PYY: variants seen among roughly 807,000 people sequenced by gnomAD.
PYY encodes peptide YY.
PYY carries 12 observed loss-of-function variants against 10.3 expected under a neutral mutation model. That is an observed-to-expected ratio of 1.17 (90% CI 0.75 to 1.89). The LOEUF (loss-of-function observed/expected upper bound fraction) is 1.89. Ranked by LOEUF, PYY falls within the 40% of genes most tolerant of loss-of-function variation. PYY has a pLI of 0.00. For synonymous variants in PYY, 66 were observed against 62.0 expected, an observed-to-expected ratio of 1.06 and a Z score of -0.30; for missense variants, 141 against 134.0, an observed-to-expected ratio of 1.05 and a Z score of -0.26.
intron 1 of PYY, among the ~76,000 whole-genome samples, chr17:43,973,344 CGTT>C (rs1226308668): frequency 6.6e-6 from 1 of 151,990 alleles, no homozygotes; most frequent in East Asian, 1.9e-4. Context: ...CATCCTAGGT[CGTT>C]GTGGAGGAAA....
rs1377239796 is a variant in PYY at position 43,953,110 on chromosome 17, G to A, written c.268C>T (p.Arg90Trp). The change falls in exon 3 of 4, where the codon CGG (arginine) becomes TGG (tryptophan). Residue 90 changes from arginine (R) to tryptophan (W), a missense_variant and splice_region_variant. By Grantham distance (101) the Arg-to-Trp change is moderately radical (BLOSUM62 -3). Coordinates refer to ENST00000692052, the MANE Select transcript of PYY (RefSeq NM_001394028.1). ...PDGEDRPVRS[R>W]SEGPDLW ...ATGTGTGGTAACGGGCGCTTTTACC[G>A]CGACCTGACGGGGCGGTCCTCGCCG... 1.9e-6 allele frequency: 3 copies of A among 1,613,792 alleles called. No individual in the cohort carries two copies. The highest frequency in any genetic ancestry group is 2.2e-5 in the East Asian group (1 of 44,880).
intron 2 of PYY, among the ~76,000 whole-genome samples, chr17:43,966,052 T>G (rs969387249): frequency 6.6e-6 from 1 of 152,130 alleles, no homozygotes; most frequent in Non-Finnish European, 1.5e-5. Flanking sequence ...CCTATCCACA[T>G]AGTCCACTGT....
intron 1 of PYY, among the ~76,000 whole-genome samples, chr17:43,979,234 C>G (rs1008345990): frequency 6.6e-6 from 1 of 152,236 alleles, no homozygotes; most frequent in African/African-American, 2.4e-5. Flanking sequence ...GGCCCCATCC[C>G]GAACCTACTG....
At chr17:43,974,978 C>T (rs749399406) in intron 1 of PYY, among the ~76,000 whole-genome samples, 2 of 152,126 alleles carry the variant, frequency 1.3e-5, no homozygotes, top group South Asian at 2.1e-4. Flanking sequence ...CGCCATCTCC[C>T]GCTTTCAGTC....
chr17:43,978,293 AGAAGGAT>A, intron 1 of PYY, among the ~76,000 whole-genome samples: 1 of 147,330 alleles, frequency 6.8e-6, no homozygotes, highest in Non-Finnish European at 1.5e-5. Context: ...GAAGGAAGGA[AGAAGGAT>A]GGAAGGAAGG....
chr17:43,967,633 G>T (rs1027858232), intron 1 of PYY, among the ~76,000 whole-genome samples: 4 of 152,148 alleles, frequency 2.6e-5, no homozygotes, highest in African/African-American at 4.8e-5. Flanking sequence ...GGTTTAAAAA[G>T]CTATTAGGTT....
At position 43,953,132 on chromosome 17, in the gene PYY, G is replaced by T. The variant is rs781712657; in HGVS notation, c.246C>A (p.Gly82=). The change falls in exon 3 of 4, where the codon GGC becomes GGA. Residue 82 remains glycine (G), a synonymous_variant. Transcript: ENST00000692052. ...ACCGCGACCTGACGGGGCGGTCCTC[G>T]CCGTCGGGGAAGAACGTTTTGGAAA... is the stretch of plus-strand genomic sequence containing the variant. The part of the protein sequence containing the change: ...TLLSKTFFPD[G]EDRPVRSRSE... 258 of 1,613,906 alleles carry T rather than the reference G, an allele frequency of 1.6e-4. No individual in the cohort carries two copies. The highest frequency in any genetic ancestry group is 2.1e-4 in the Non-Finnish European group (253 of 1,179,936).
chr17:43,967,478 A>G (rs927246389), intron 1 of PYY, among the ~76,000 whole-genome samples: 1 of 152,202 alleles, frequency 6.6e-6, no homozygotes, highest in Admixed American at 6.5e-5. Context: ...CTTGCAGCTC[A>G]GACCACAAAC....
chr17:43,963,570 A>AAGGAAAAGAAAGAAAGAAAG (rs1555617070), intron 2 of PYY, among the ~76,000 whole-genome samples: 1 of 104,646 alleles, frequency 9.6e-6, no homozygotes, highest in African/African-American at 3.6e-5. Flanking sequence ...GGAAGGAAGG[A>AAGGAAAAGAAAGAAAGAAAG]AAAGAAAGAA....
chr17:43,980,159 T>C (rs1300233023), intron 1 of PYY, among the ~76,000 whole-genome samples: 4 of 24,624 alleles, frequency 1.6e-4, no homozygotes, highest in African/African-American at 2.3e-4. Flanking sequence ...CCTCCACCTT[T>C]TTTTTTTTTT....
At chr17:43,964,713 G>T (rs149475856) in intron 2 of PYY, among the ~76,000 whole-genome samples, 1,878 of 152,266 alleles carry the variant, frequency 0.012, 48 homozygotes, top group African/African-American at 0.043. Flanking sequence ...TGAGGCAGGA[G>T]AATCGCTTGA....
intron 2 of PYY, among the ~76,000 whole-genome samples, chr17:43,961,927 G>C (rs1371636504): frequency 6.6e-6 from 1 of 152,050 alleles, no homozygotes; most frequent in Admixed American, 6.6e-5. Flanking sequence ...CTTCACCTCA[G>C]CATGCATCCT....
At chr17:43,964,488 C>T (rs561908867) in intron 2 of PYY, among the ~76,000 whole-genome samples, 9 of 152,322 alleles carry the variant, frequency 5.9e-5, no homozygotes, top group East Asian at 1.9e-4. Flanking sequence ...CGGTGGCTGA[C>T]GCCTGTAACC....
At chr17:43,981,740 G>A (rs750900233) in intron 1 of PYY, among the ~76,000 whole-genome samples, 2 of 152,008 alleles carry the variant, frequency 1.3e-5, no homozygotes, top group South Asian at 2.1e-4. Flanking sequence ...CGCCCACCTC[G>A]GCCTCCGAAA....
intron 1 of PYY, among the ~76,000 whole-genome samples, chr17:44,003,046 T>C (rs1208448239): frequency 1.3e-5 from 2 of 152,210 alleles, no homozygotes; most frequent in Non-Finnish European, 2.9e-5. Context: ...ATTTTAATTT[T>C]AATTTTTTTG....
At chr17:44,002,364 A>T (rs2049034269) in intron 1 of PYY, among the ~76,000 whole-genome samples, 1 of 152,180 alleles carries the variant, frequency 6.6e-6, no homozygotes, top group Non-Finnish European at 1.5e-5. Context: ...GGGGAGACAA[A>T]ACCACGTGCA....
At chr17:43,988,790 T>C (rs1307240345) in intron 1 of PYY, among the ~76,000 whole-genome samples, 1 of 146,782 alleles carries the variant, frequency 6.8e-6, no homozygotes. Context: ...TGAGACGGAG[T>C]ATCACTCTGT....
chr17:43,978,443 C>T (rs1489125806), intron 1 of PYY, among the ~76,000 whole-genome samples: 1 of 152,080 alleles, frequency 6.6e-6, no homozygotes, highest in Non-Finnish European at 1.5e-5. Context: ...ATCGTTTGAG[C>T]CCAGGAGTTA....
intron 1 of PYY, among the ~76,000 whole-genome samples, chr17:43,992,256 T>C (rs2143957066): frequency 6.6e-6 from 1 of 152,038 alleles, no homozygotes; most frequent in Middle Eastern, 3.4e-3. Context: ...TATAACCATA[T>C]ATAAATTGGA....
Sources: allele counts gnomAD v4.1 joint callset (sites outside exome capture counted in the v4.1 genomes callset), GRCh38; gene constraint gnomAD v4.1.1; transcripts MANE v1.5; gene names NCBI Gene and HGNC (gene_info 2026-07-23, HGNC 2026-07-21).